Variants in RALGAPA2 observed in about 807,000 individuals in gnomAD.
RALGAPA2 encodes ral GTPase-activating protein subunit alpha-2.
Under a neutral mutation model 230.4 loss-of-function variants are expected in RALGAPA2, and 139 were observed. That is an observed-to-expected ratio of 0.60 (90% CI 0.53 to 0.69). The LOEUF is 0.69. RALGAPA2 is among the 30% of genes least tolerant of loss of function. RALGAPA2 has a pLI of 0.00. For synonymous variants in RALGAPA2, 847 were observed against 837.8 expected (o/e 1.01, Z -0.19); for missense variants, 2,163 against 2,276.0 (o/e 0.95, Z 1.01).
intron 23 of RALGAPA2, among the ~76,000 whole-genome samples, chr20:20,554,756 A>G (rs934465587): frequency 1.3e-5 from 2 of 152,170 alleles, no homozygotes; most frequent in South Asian, 2.1e-4. Flanking sequence ...CACCTGTATC[A>G]GCCTCCAAAC....
chr20:20,623,694 C>T (rs1241021903), intron 10 of RALGAPA2, among the ~76,000 whole-genome samples: 1 of 152,126 alleles, frequency 6.6e-6, no homozygotes, highest in Non-Finnish European at 1.5e-5. Flanking sequence ...GATTTGTCAT[C>T]CAGCTCATTC....
chr20:20,518,817 T>C (rs1307693164), intron 31 of RALGAPA2, among the ~76,000 whole-genome samples: 1 of 152,204 alleles, frequency 6.6e-6, no homozygotes, highest in Non-Finnish European at 1.5e-5. Context: ...TATACTCATG[T>C]GGATGAGTAT....
chr20:20,466,039 C>T (rs759875403), intron 37 of RALGAPA2, among the ~76,000 whole-genome samples: 7 of 152,160 alleles, frequency 4.6e-5, no homozygotes, highest in Admixed American at 3.9e-4. Context: ...GGCCCATTAG[C>T]CCTCTCACCA....
chr20:20,702,317 A>G (rs2069413029), intron 1 of RALGAPA2, among the ~76,000 whole-genome samples: 1 of 152,166 alleles, frequency 6.6e-6, no homozygotes, highest in Admixed American at 6.5e-5. Flanking sequence ...AGGATTAGAC[A>G]TGCAAGAGAT....
intron 16 of RALGAPA2, among the ~76,000 whole-genome samples, chr20:20,595,694 C>G (rs1298719386): frequency 6.6e-6 from 1 of 152,150 alleles, no homozygotes; most frequent in Non-Finnish European, 1.5e-5. Context: ...TGGCTCACAC[C>G]TGTAATTCCA....
chr20:20,512,490 G>A (rs990440738), intron 32 of RALGAPA2, 23 bp downstream of exon 32: 3 of 1,523,796 alleles, frequency 2.0e-6, no homozygotes, highest in Non-Finnish European at 2.6e-6. Flanking sequence ...TAAAATAACT[G>A]GAGGTCTAGC....
At position 20,402,795 on chromosome 20, in the gene RALGAPA2, G is replaced by A. The variant is rs76640036; in HGVS notation, c.5618-6061C>T. On this transcript the variant is annotated intron_variant, in intron 38 of 39. Transcript: ENST00000202677. The stretch of plus-strand genomic sequence containing the variant: ...TGAAGCCTGACTGACCTTCGTGGAA[G>A]AGTCATATCACAGCACTCTGCTGCT... Among the ~76,000 whole-genome samples, 777 of 152,288 alleles carry A rather than the reference G, an allele frequency of 5.1e-3. 10 individuals are homozygous for A. The highest frequency in any genetic ancestry group is 0.018 in the African/African-American group (738 of 41,550).
At chr20:20,619,787 C>T (rs1243032715) in intron 11 of RALGAPA2, among the ~76,000 whole-genome samples, 4 of 152,170 alleles carry the variant, frequency 2.6e-5, no homozygotes, top group African/African-American at 7.2e-5. Flanking sequence ...TTATGGAACA[C>T]AGATATTTTA....
At chr20:20,707,828 G>A (rs1268059288) in intron 1 of RALGAPA2, among the ~76,000 whole-genome samples, 2 of 151,922 alleles carry the variant, frequency 1.3e-5, no homozygotes, top group African/African-American at 4.8e-5. Flanking sequence ...GGACACTGGG[G>A]ACATCCTCTG....
intron 23 of RALGAPA2, among the ~76,000 whole-genome samples, chr20:20,553,583 C>G (rs2063993306): frequency 1.3e-5 from 2 of 152,008 alleles, no homozygotes; most frequent in Admixed American, 6.6e-5. Context: ...AAACACAATA[C>G]CTAGAACTTC....
intron 19 of RALGAPA2, 124 bp downstream of exon 19, chr20:20,584,741 A>T: frequency 2.8e-6 from 2 of 707,196 alleles, no homozygotes; most frequent in Non-Finnish European, 4.4e-6. Context: ...TGATTGTGCC[A>T]GAGCACTCCA....
intron 37 of RALGAPA2, among the ~76,000 whole-genome samples, chr20:20,417,530 C>A (rs1250680644): frequency 6.6e-6 from 1 of 152,178 alleles, no homozygotes; most frequent in Non-Finnish European, 1.5e-5. Context: ...TCCTGGATAA[C>A]CCAGAATGAT....
chr20:20,562,151 G>T (rs1025572483), intron 23 of RALGAPA2, among the ~76,000 whole-genome samples: 2 of 151,900 alleles, frequency 1.3e-5, no homozygotes, highest in African/African-American at 2.4e-5. Context: ...ATGATGCTGT[G>T]TAGATTTGGA....
chr20:20,571,247 G>C (rs2064623326), intron 23 of RALGAPA2, among the ~76,000 whole-genome samples: 1 of 152,166 alleles, frequency 6.6e-6, no homozygotes, highest in South Asian at 2.1e-4. Flanking sequence ...TTGGCACAAT[G>C]CAAATGCAAA....
chr20:20,560,959 G>A (rs964455901), intron 23 of RALGAPA2, among the ~76,000 whole-genome samples: 2 of 152,150 alleles, frequency 1.3e-5, no homozygotes, highest in East Asian at 1.9e-4. Context: ...TCAGAAACCC[G>A]TTTCATGGAA....
intron 10 of RALGAPA2, among the ~76,000 whole-genome samples, chr20:20,625,174 G>C (rs191054495): frequency 4.6e-5 from 7 of 152,092 alleles, no homozygotes; most frequent in African/African-American, 1.7e-4. Flanking sequence ...CCAGTTTGCT[G>C]ATGTCTATCA....
rs1005826069 is a variant in RALGAPA2 at position 20,497,946 on chromosome 20, C to A, written c.5209-2671G>T. On this transcript the variant is annotated intron_variant, in intron 35 of 39. Transcript: ENST00000202677. Reference sequence around the variant, plus strand: ...TAAAAGCTAAGGCCATGGGAGCAATCGGCTGATAAATCTGGAGCAAAGGGC... The same window carrying A: ...TAAAAGCTAAGGCCATGGGAGCAATAGGCTGATAAATCTGGAGCAAAGGGC... Among the ~76,000 whole-genome samples, 3 of 152,140 alleles carry A rather than the reference C, an allele frequency of 2.0e-5. No individual in the cohort carries two copies. The East Asian group carries it at 5.8e-4, about 29-fold the overall frequency.
At position 20,526,913 on chromosome 20, in the gene RALGAPA2, A is replaced by C. The variant is rs78618800; in HGVS notation, c.3583-551T>G. 7.6e-3 allele frequency among the ~76,000 whole-genome samples: 1,157 copies of C among 152,322 alleles called. 13 individuals carry two copies. The highest frequency in any genetic ancestry group is 0.026 in the African/African-American group (1,066 of 41,566). ...AGAGTGTAGGAGAAGATAACTAATGAATTATGGTATACTCAATTATTTTGA... is the reference window on the plus strand; with the variant it reads ...AGAGTGTAGGAGAAGATAACTAATGCATTATGGTATACTCAATTATTTTGA... On this transcript the variant is annotated intron_variant, in intron 27 of 39. Coordinates refer to ENST00000202677, the MANE Select transcript of RALGAPA2 (RefSeq NM_020343.4).
intron 1 of RALGAPA2, among the ~76,000 whole-genome samples, chr20:20,711,258 G>T (rs529210937): frequency 2.0e-5 from 3 of 152,142 alleles, no homozygotes; most frequent in African/African-American, 7.2e-5. Context: ...TCATGAACAA[G>T]ATCTTTATTT....
Sources: allele counts gnomAD v4.1 joint callset (sites outside exome capture counted in the v4.1 genomes callset), GRCh38; gene constraint gnomAD v4.1.1; transcripts MANE v1.5; gene names NCBI Gene and HGNC (gene_info 2026-07-23, HGNC 2026-07-21).